ROBO1: variants seen among roughly 807,000 people sequenced by gnomAD.
ROBO1 encodes the protein roundabout homolog 1.
Under a neutral mutation model 195.9 loss-of-function variants are expected in ROBO1, and 149 were observed. The observed-to-expected ratio is 0.76, with a 90% CI of 0.67 to 0.87. The LOEUF (loss-of-function observed/expected upper bound fraction) is 0.87. Among genes scored for constraint, ROBO1 ranks in the 40% least tolerant of loss-of-function variants. The pLI, the probability that ROBO1 is intolerant of heterozygous loss-of-function variation, is 0.00. For synonymous variants in ROBO1, 816 were observed against 733.2 expected, an observed-to-expected ratio of 1.11 and a Z score of -1.82; for missense variants, 1,933 against 2,068.3, an observed-to-expected ratio of 0.93 and a Z score of 1.27.
intron 3 of ROBO1, among the ~76,000 whole-genome samples, chr3:79,070,442 T>C (rs553151875): frequency 3.3e-5 from 5 of 152,042 alleles, no homozygotes; most frequent in African/African-American, 1.2e-4. Context: ...TGCTCTTGAA[T>C]AACAAATTTC....
At chr3:79,115,062 T>C (rs982113754) in intron 3 of ROBO1, among the ~76,000 whole-genome samples, 1 of 152,186 alleles carries the variant, frequency 6.6e-6, no homozygotes, top group Non-Finnish European at 1.5e-5. Flanking sequence ...TCTTCTATCT[T>C]GTGACTTGGG....
At chr3:79,747,998 T>C (rs1703948010) in intron 1 of ROBO1, among the ~76,000 whole-genome samples, 1 of 152,116 alleles carries the variant, frequency 6.6e-6, no homozygotes, top group South Asian at 2.1e-4. Context: ...TCTTTTTTAC[T>C]TGGATTTCTA....
intron 3 of ROBO1, among the ~76,000 whole-genome samples, chr3:78,999,420 T>C (rs952474738): frequency 6.6e-6 from 1 of 152,106 alleles, no homozygotes; most frequent in Admixed American, 6.6e-5. Flanking sequence ...AAAGCCATTA[T>C]CCTAAGCAAA....
intron 4 of ROBO1, among the ~76,000 whole-genome samples, chr3:78,891,328 A>G (rs1233365805): frequency 6.6e-6 from 1 of 150,602 alleles, no homozygotes; most frequent in Non-Finnish European, 1.5e-5. Flanking sequence ...CGCAAAAGAT[A>G]TAAGAATGGC....
At position 79,598,771 on chromosome 3, in the gene ROBO1, T is replaced by C. The variant is rs114082189; in HGVS notation, c.-50-8810A>G. Among the ~76,000 whole-genome samples the C allele has an allele frequency of 5.9e-3, 904 of 152,084 alleles. 8 individuals are homozygous for C. Among genetic ancestry groups the C allele is most frequent in the African/African-American group, 0.019 (779 of 41,524 alleles). On this transcript the variant is annotated intron_variant, in intron 1 of 30. Transcript: ENST00000464233. ...TACTACAACCTCAGCTGGTGCTCTC[T>C]TGAAAGAACCTCCCCCTGGCAGGAG...
At chr3:78,777,760 T>C (rs1052057314) in intron 4 of ROBO1, among the ~76,000 whole-genome samples, 1 of 152,184 alleles carries the variant, frequency 6.6e-6, no homozygotes, top group African/African-American at 2.4e-5. Flanking sequence ...TATATAAATA[T>C]ACAATCATGC....
chr3:79,593,502 G>T (rs769320868), intron 1 of ROBO1, among the ~76,000 whole-genome samples: 1 of 151,952 alleles, frequency 6.6e-6, no homozygotes, highest in African/African-American at 2.4e-5. Flanking sequence ...GTCCTTGTTG[G>T]CATATGATGT....
chr3:78,910,036 A>G (rs2038153117), intron 4 of ROBO1, among the ~76,000 whole-genome samples: 1 of 151,878 alleles, frequency 6.6e-6, no homozygotes. Context: ...CACATTTCAT[A>G]AAGACATTAA....
intron 2 of ROBO1, among the ~76,000 whole-genome samples, chr3:79,260,961 CAAAAG>C (rs926186808): frequency 7.9e-5 from 12 of 151,938 alleles, no homozygotes; most frequent in African/African-American, 2.9e-4. Flanking sequence ...TTACAGAAAA[CAAAAG>C]AAACCACAGA....
intron 3 of ROBO1, among the ~76,000 whole-genome samples, chr3:79,096,069 T>C (rs2079560535): frequency 6.6e-6 from 1 of 152,030 alleles, no homozygotes; most frequent in Admixed American, 6.6e-5. Flanking sequence ...GGATAATGCA[T>C]CTGTAGTATG....
At chr3:79,300,467 T>C (rs2032867844) in intron 2 of ROBO1, among the ~76,000 whole-genome samples, 1 of 152,156 alleles carries the variant, frequency 6.6e-6, no homozygotes, top group Non-Finnish European at 1.5e-5. Context: ...GGGGCAGGGC[T>C]CGGGACCTGC....
At chr3:79,259,728 A>T (rs2082905313) in intron 2 of ROBO1, among the ~76,000 whole-genome samples, 1 of 152,120 alleles carries the variant, frequency 6.6e-6, no homozygotes, top group South Asian at 2.1e-4. Flanking sequence ...TATAAGAAAA[A>T]ATCTAATAAT....
intron 3 of ROBO1, among the ~76,000 whole-genome samples, chr3:78,939,685 G>T: frequency 6.6e-6 from 1 of 150,606 alleles, no homozygotes; most frequent in African/African-American, 2.4e-5. Context: ...ATATATACTA[G>T]AACTGTCCTT....
At chr3:78,775,977 T>C (rs1490347599) in intron 4 of ROBO1, among the ~76,000 whole-genome samples, 1 of 152,230 alleles carries the variant, frequency 6.6e-6, no homozygotes, top group African/African-American at 2.4e-5. Flanking sequence ...TTTCCATGTA[T>C]GCATAGTTCT....
intron 2 of ROBO1, among the ~76,000 whole-genome samples, chr3:79,249,990 A>C (rs2082690968): frequency 6.6e-6 from 1 of 152,188 alleles, no homozygotes; most frequent in African/African-American, 2.4e-5. Flanking sequence ...AGACCAGAGA[A>C]GTAAGAGAAG....
intron 2 of ROBO1, among the ~76,000 whole-genome samples, chr3:79,463,362 A>G (rs527955869): frequency 6.6e-6 from 1 of 151,542 alleles, no homozygotes; most frequent in East Asian, 1.9e-4. Flanking sequence ...GTGACAGAGC[A>G]AGATTACATC....
chr3:79,267,743 T>C (rs201553953), intron 2 of ROBO1, among the ~76,000 whole-genome samples: 1 of 151,476 alleles, frequency 6.6e-6, no homozygotes, highest in East Asian at 1.9e-4. Context: ...ATTGATCTGT[T>C]TTGTTGTTAT....
At chr3:78,773,121 A>G (rs529911352) in intron 4 of ROBO1, among the ~76,000 whole-genome samples, 1 of 152,130 alleles carries the variant, frequency 6.6e-6, no homozygotes, top group Non-Finnish European at 1.5e-5. Context: ...CTGTGTTAGG[A>G]AGTGGGTTAA....
At chr3:79,460,413 T>C (rs1937591970) in intron 2 of ROBO1, among the ~76,000 whole-genome samples, 1 of 152,202 alleles carries the variant, frequency 6.6e-6, no homozygotes, top group African/African-American at 2.4e-5. Context: ...ATATTTTAAG[T>C]AGTATTCTGA....
Sources: allele counts gnomAD v4.1 joint callset (sites outside exome capture counted in the v4.1 genomes callset), GRCh38; gene constraint gnomAD v4.1.1; transcripts MANE v1.5; gene names NCBI Gene and HGNC (gene_info 2026-07-23, HGNC 2026-07-21).